The following WWC1 variants were observed in gnomAD, a reference collection of about 807,000 sequenced individuals.
The protein encoded by WWC1 is protein KIBRA.
A neutral mutation model predicts 138.4 loss-of-function variants in WWC1; 55 were observed. The ratio of observed to expected loss-of-function variants is 0.40; its 90% CI spans 0.32 to 0.50. The LOEUF (loss-of-function observed/expected upper bound fraction) is 0.50, where lower values mean the gene tolerates loss of function less well. Ranked by LOEUF, WWC1 falls within the 20% of genes least tolerant of loss-of-function variation. The pLI is 0.72. For missense variants in WWC1, 1,226 were observed against 1,420.4 expected (o/e 0.86, Z 2.20); for synonymous variants, 524 against 564.9 (o/e 0.93, Z 1.03).
chr5:168,326,857 C>T (rs988041396), intron 1 of WWC1, among the ~76,000 whole-genome samples: 5 of 151,964 alleles, frequency 3.3e-5, no homozygotes, highest in Non-Finnish European at 5.9e-5. Context: ...AGTCTTATTT[C>T]GCATTTGTAG....
At chr5:168,435,709 A>G (rs62384100) in intron 15 of WWC1, among the ~76,000 whole-genome samples, 23,872 of 151,868 alleles carry the variant, frequency 0.16, 2,501 homozygotes, top group East Asian at 0.36. Flanking sequence ...ACCACACCCG[A>G]CCTAAAACTT....
chr5:168,334,054 G>GAAAAAAAAAA (rs70976475), intron 1 of WWC1, among the ~76,000 whole-genome samples: 1 of 44,496 alleles, frequency 2.2e-5, no homozygotes. Context: ...CATCCCTACT[G>GAAAAAAAAAA]AAAAAAAAAA....
At chr5:168,377,678 A>G (rs11948256) in intron 2 of WWC1, among the ~76,000 whole-genome samples, 14,717 of 152,274 alleles carry the variant, frequency 0.097, 949 homozygotes, top group African/African-American at 0.18. Flanking sequence ...CATATGAAAA[A>G]ATGCTCCACA....
At chr5:168,456,736 G>A (rs1312567285) in intron 19 of WWC1, among the ~76,000 whole-genome samples, 16 of 145,356 alleles carry the variant, frequency 1.1e-4, no homozygotes, top group African/African-American at 3.8e-4. Context: ...CATTATGAAC[G>A]TGCAGTAGAA....
chr5:168,430,175 T>C lies in WWC1; in HGVS notation c.2039T>C (p.Ile680Thr). The C allele has an allele frequency of 6.2e-7, 1 of 1,614,126 alleles. No homozygotes were observed. Among genetic ancestry groups the C allele is most frequent in the Non-Finnish European group, 8.5e-7 (1 of 1,179,988 alleles). ...AATAAGCAATTTGCAATATTAATCA[T>C]CCAGCTGAGTAACCTTTCTGCTCTG... ...EKNKQFAILI[I>T]QLSNLSALLQ... The change falls in exon 14 of 23, where the codon ATC becomes ACC. Residue 680 changes from isoleucine (I) to threonine (T), a missense_variant. Coordinates refer to ENST00000265293, the MANE Select transcript of WWC1 (RefSeq NM_015238.3).
chr5:168,342,258 G>T (rs930288000), intron 1 of WWC1, among the ~76,000 whole-genome samples: 1 of 152,176 alleles, frequency 6.6e-6, no homozygotes, highest in Non-Finnish European at 1.5e-5. Flanking sequence ...AAAACATAAA[G>T]ATCAGGGTAA....
intron 3 of WWC1, among the ~76,000 whole-genome samples, chr5:168,394,029 A>G (rs1259767902): frequency 6.6e-6 from 1 of 152,238 alleles, no homozygotes; most frequent in Non-Finnish European, 1.5e-5. Flanking sequence ...CAAACACTGA[A>G]CATCGCTTTC....
chr5:168,427,703 C>T (rs909408435), intron 11 of WWC1, among the ~76,000 whole-genome samples: 3 of 151,424 alleles, frequency 2.0e-5, no homozygotes, highest in Non-Finnish European at 4.4e-5. Flanking sequence ...CCTGTAATCC[C>T]AACACTTTGG....
At chr5:168,339,830 CTT>C (rs59597331) in intron 1 of WWC1, among the ~76,000 whole-genome samples, 65,294 of 135,090 alleles carry the variant, frequency 0.48, 17,350 homozygotes, top group Non-Finnish European at 0.61. Context: ...TTCTTTCTTT[CTT>C]TTTCTTTTCT....
At chr5:168,298,185 C>G (rs1431840296) in intron 1 of WWC1, among the ~76,000 whole-genome samples, 1 of 151,950 alleles carries the variant, frequency 6.6e-6, no homozygotes, top group Non-Finnish European at 1.5e-5. Flanking sequence ...ATTACAGGTG[C>G]ATGCCACCTC....
At chr5:168,369,977 T>G (rs1776619111) in intron 1 of WWC1, among the ~76,000 whole-genome samples, 1 of 141,492 alleles carries the variant, frequency 7.1e-6, no homozygotes, top group African/African-American at 2.7e-5. Context: ...CTCGGCTCAG[T>G]GCACCCTCCA....
chr5:168,430,169 T>TAA lies in WWC1; in HGVS notation c.2034_2035dup (p.Ile679LysfsTer5). The TAA allele has an allele frequency of 6.2e-7, 1 of 1,614,160 alleles. No individual in the cohort carries two copies. The highest frequency in any genetic ancestry group is 8.5e-7 in the Non-Finnish European group (1 of 1,180,026). On this transcript the variant is annotated frameshift_variant, in exon 14 of 23. Coordinates refer to ENST00000265293, the MANE Select transcript of WWC1 (RefSeq NM_015238.3). LOFTEE classifies it high-confidence loss of function. Reference sequence around the variant, plus strand: ...GAGAAGAATAAGCAATTTGCAATATTAATCATCCAGCTGAGTAACCTTTCT... The same window carrying TAA: ...GAGAAGAATAAGCAATTTGCAATATTAAAATCATCCAGCTGAGTAACCTTTCT...
intron 3 of WWC1, among the ~76,000 whole-genome samples, chr5:168,393,539 T>C (rs1018749181): frequency 3.3e-5 from 5 of 152,182 alleles, no homozygotes; most frequent in Non-Finnish European, 7.4e-5. Flanking sequence ...TAATCAAGTG[T>C]AGGGCCGAAT....
intron 1 of WWC1, among the ~76,000 whole-genome samples, chr5:168,315,250 C>T (rs1771477355): frequency 1.3e-5 from 2 of 151,934 alleles, no homozygotes; most frequent in Non-Finnish European, 2.9e-5. Context: ...CTTTAGACTC[C>T]CCAGAGGAGC....
intron 10 of WWC1, 104 bp downstream of exon 10, chr5:168,422,201 T>A: frequency 8.9e-7 from 1 of 1,120,330 alleles, no homozygotes; most frequent in Admixed American, 1.9e-5. Context: ...CTCCGTGGCT[T>A]GAGAGTGGAT....
chr5:168,330,313 A>G (rs778061026), intron 1 of WWC1, among the ~76,000 whole-genome samples: 4 of 152,208 alleles, frequency 2.6e-5, no homozygotes, highest in Non-Finnish European at 5.9e-5. Context: ...TGACTGAGCA[A>G]CAACCCCTTG....
chr5:168,339,924 TTTC>T (rs1267618898), intron 1 of WWC1, among the ~76,000 whole-genome samples: 4 of 113,686 alleles, frequency 3.5e-5, no homozygotes, highest in African/African-American at 1.2e-4. Context: ...TCTCTCTCTC[TTTC>T]TCTCTTTCTC....
chr5:168,300,775 G>A (rs547778226), intron 1 of WWC1, among the ~76,000 whole-genome samples: 3 of 152,162 alleles, frequency 2.0e-5, no homozygotes, highest in African/African-American at 2.4e-5. Context: ...CTTCCTCCCC[G>A]CCCAGTGGTG....
chr5:168,404,485 G>A (rs970522768), intron 5 of WWC1, among the ~76,000 whole-genome samples: 21 of 152,214 alleles, frequency 1.4e-4, no homozygotes, highest in African/African-American at 4.3e-4. Flanking sequence ...TGAAGTAACC[G>A]CAGGGGGAGC....
Sources: allele counts gnomAD v4.1 joint callset (sites outside exome capture counted in the v4.1 genomes callset), GRCh38; gene constraint gnomAD v4.1.1; transcripts MANE v1.5; gene names NCBI Gene and HGNC (gene_info 2026-07-23, HGNC 2026-07-21).